RBL2: variants seen among roughly 807,000 people sequenced by gnomAD.
RBL2 encodes RB transcriptional corepressor like 2, also known as retinoblastoma-like protein 2.
A neutral mutation model predicts 126.0 loss-of-function variants in RBL2; 56 were observed. The ratio of observed to expected loss-of-function variants is 0.44; its 90% CI spans 0.36 to 0.56. The LOEUF (loss-of-function observed/expected upper bound fraction) is 0.56, where lower values mean the gene tolerates loss of function less well. Ranked by LOEUF, RBL2 falls within the 20% of genes least tolerant of loss-of-function variation. The pLI is 0.00. For missense variants in RBL2, 1,229 were observed against 1,398.2 expected (o/e 0.88, Z 1.93); for synonymous variants, 454 against 478.5 (o/e 0.95, Z 0.67).
At position 53,434,535 on chromosome 16, in the gene RBL2, T is replaced by C; in HGVS notation, c.-22T>C. The C allele has an allele frequency of 2.1e-6, 3 of 1,430,270 alleles. No homozygotes were observed. Among genetic ancestry groups the C allele is most frequent in the Non-Finnish European group, 2.7e-6 (3 of 1,098,024 alleles). 88.6% of individuals were successfully genotyped at this position (1,430,270 alleles called of 1,614,324 possible). A position where few individuals can be genotyped will look rare whatever the true frequency, so the allele number is the denominator to read the frequency against. On this transcript the variant is annotated 5_prime_UTR_variant, in exon 1 of 22. Transcript: ENST00000262133. ...GCCCGGGCCCTCACCTCACCTGAGG[T>C]CCGGCCGCCCAGGGGTGCGCTATGC... is the stretch of plus-strand genomic sequence containing the variant.
Position 53,462,655 on chromosome 16 carries a change from T to G in RBL2, c.1560T>G (p.Ser520=). The G allele has an allele frequency of 6.6e-7, 1 of 1,503,998 alleles. No individual in the cohort carries two copies. The highest frequency in any genetic ancestry group is 9.0e-7 in the Non-Finnish European group (1 of 1,106,850). 93.2% of individuals were successfully genotyped at this position (1,503,998 alleles called of 1,614,324 possible). A position where few individuals can be genotyped will look rare whatever the true frequency, so the allele number is the denominator to read the frequency against. ...EQKRLGDMDL[S]GILEQDAFHR... is the part of the protein sequence containing the mutation. The stretch of plus-strand genomic sequence containing the variant: ...AAAGACTAGGAGACATGGATTTATC[T>G]GTGAGTAAAATAACCAATGTATTGA... The change falls in exon 11 of 22, where the codon TCT becomes TCG. Residue 520 remains serine (S), a splice_region_variant and synonymous_variant. Coordinates refer to ENST00000262133, the MANE Select transcript of RBL2 (RefSeq NM_005611.4).
intron 21 of RBL2, chr16:53,489,283 T>G (rs1455011559): frequency 6.6e-6 from 1 of 152,126 alleles, no homozygotes; most frequent in Non-Finnish European, 1.5e-5. Flanking sequence ...AGTAGAGGAA[T>G]AGGTATGTGA....
chr16:53,450,549 T>C (rs187554312), intron 4 of RBL2, among the ~76,000 whole-genome samples: 6 of 152,106 alleles, frequency 3.9e-5, no homozygotes, highest in Admixed American at 3.9e-4. Flanking sequence ...TAGAAATAAT[T>C]CTTAATTTCT....
rs949291476 is a variant in RBL2, at chr16:53,480,457, G to T, written c.2882-110G>T. The T allele has an allele frequency of 1.5e-5, 13 of 886,664 alleles. No individual in the cohort carries two copies. The African/African-American group carries it at 1.7e-4, about 11-fold the overall frequency. The allele number at this position is 886,664 out of a possible 1,614,324, so 54.9% of individuals were successfully genotyped here. A position where few individuals can be genotyped will look rare whatever the true frequency, so the allele number is the denominator to read the frequency against. On this transcript the variant is annotated intron_variant, in intron 19 of 21. Coordinates refer to ENST00000262133, the MANE Select transcript of RBL2 (RefSeq NM_005611.4). ...GTGAAGAACAGAGTGCCTATTCACT[G>T]TTATTAGCAAGTAGTGCAGGTAGCT...
At chr16:53,434,944 G>C in intron 1 of RBL2, 148 bp downstream of exon 1, 1 of 1,248,914 alleles carries the variant, frequency 8.0e-7, no homozygotes, top group Non-Finnish European at 1.0e-6. Flanking sequence ...CTATTCCGAG[G>C]CTCTTAGCCG....
At chr16:53,443,340 G>A (rs1024506445) in intron 3 of RBL2, 3 of 152,296 alleles carry the variant, frequency 2.0e-5, no homozygotes, top group Admixed American at 1.3e-4. Context: ...CACTGCCCTA[G>A]ATATAGATCA....
At chr16:53,450,953 T>G (rs1415956942) in intron 4 of RBL2, among the ~76,000 whole-genome samples, 3 of 150,738 alleles carry the variant, frequency 2.0e-5, no homozygotes, top group Non-Finnish European at 4.4e-5. Flanking sequence ...AAAAAAAAAA[T>G]GTATATGAGA....
In RBL2 at chr16:53,491,072, A is replaced by AT. The variant is rs1214409815; in HGVS notation, c.*779dup. On this transcript the variant is annotated 3_prime_UTR_variant, in exon 22 of 22. Transcript: ENST00000262133. ...CCAATATTTTCTTTAATGCTTTTATATTTTTTTAAAATGTTAAAACCCCTA... is the reference window on the plus strand; with the variant it reads ...CCAATATTTTCTTTAATGCTTTTATATTTTTTTTAAAATGTTAAAACCCCTA... 2.0e-5 allele frequency: 3 copies of AT among 152,564 alleles called. No individual in the cohort carries two copies. Among genetic ancestry groups the AT allele is most frequent in the Non-Finnish European group, 2.9e-5 (2 of 68,016 alleles). 9.5% of individuals were successfully genotyped at this position (152,564 alleles called of 1,614,324 possible).
chr16:53,490,451 C>T lies in RBL2; in HGVS notation c.*151C>T. 3.7e-6 allele frequency: 2 copies of T among 543,978 alleles called. No homozygotes were observed. The highest frequency in any genetic ancestry group is 6.0e-6 in the Non-Finnish European group (2 of 330,968). 33.7% of individuals were successfully genotyped at this position (543,978 alleles called of 1,614,324 possible). A position where few individuals can be genotyped will look rare whatever the true frequency, so the allele number is the denominator to read the frequency against. On this transcript the variant is annotated 3_prime_UTR_variant, in exon 22 of 22. Transcript: ENST00000262133. Reference sequence around the variant, plus strand: ...CATTTTGGTGAGAAATGGGACTTAACTCCTTCCAGTGTCCTTAGAACATTT... The same window carrying T: ...CATTTTGGTGAGAAATGGGACTTAATTCCTTCCAGTGTCCTTAGAACATTT...
At chr16:53,487,878 C>T (rs1847016384) in intron 21 of RBL2, 1 of 152,224 alleles carries the variant, frequency 6.6e-6, no homozygotes, top group African/African-American at 2.4e-5. Flanking sequence ...GAACACACTT[C>T]ACCCATTACA....
intron 13 of RBL2, 159 bp from the exon 14 acceptor site, chr16:53,466,899 A>C: frequency 1.7e-6 from 1 of 605,622 alleles, no homozygotes; most frequent in South Asian, 2.2e-5. Context: ...TGACTGCCAA[A>C]AGTTTTTTTT....
chr16:53,453,391 T>G (rs2058134543), intron 5 of RBL2, 61 bp from the exon 6 acceptor site: 5 of 1,456,718 alleles, frequency 3.4e-6, no homozygotes, highest in Non-Finnish European at 4.8e-6. Flanking sequence ...TACATTTTAG[T>G]TTATTACAAA....
rs2058311462 is a variant in RBL2, at chr16:53,470,427, G to A, written c.2290G>A (p.Val764Ile). ...NGGITFFPVQ[V>I]NVGGQAQAVT... ...AGGGATAACATTCTTCCCTGTCCAA[G>A]TCAATGTTGGGGGGCAGGCACAAGC... Residue 764 changes from valine to isoleucine, a missense_variant, in exon 16 of 22, where the codon GTC (valine) becomes ATC (isoleucine). By Grantham distance (29) the Val-to-Ile change is conservative. Around this residue, in one of 2 missense-constraint regions of RBL2, gnomAD observed 1,070 missense variants for 1,274.3 expected, o/e 0.84. Transcript: ENST00000262133. 1 of 1,614,052 alleles carries A rather than the reference G, an allele frequency of 6.2e-7. No homozygotes were observed. The highest frequency in any genetic ancestry group is 8.5e-7 in the Non-Finnish European group (1 of 1,180,048).
intron 21 of RBL2, among the ~76,000 whole-genome samples, chr16:53,484,391 A>G (rs1420969355): frequency 6.6e-6 from 1 of 152,232 alleles, no homozygotes; most frequent in East Asian, 1.9e-4. Flanking sequence ...GTACCAATTA[A>G]TAGTTAGAAT....
In RBL2 at chr16:53,490,583, T is replaced by A. The variant is rs1230484756; in HGVS notation, c.*283T>A. On this transcript the variant is annotated 3_prime_UTR_variant, in exon 22 of 22. Coordinates refer to ENST00000262133, the MANE Select transcript of RBL2 (RefSeq NM_005611.4). The stretch of plus-strand genomic sequence containing the variant: ...ACTCTGGCAAAGCTTTTAGAAATAC[T>A]GCAAGAAAATGATGTGTACCCAAAC... 3.5e-6 allele frequency: 1 copy of A among 284,422 alleles called. No homozygotes were observed. Among genetic ancestry groups the A allele is most frequent in the East Asian group, 5.9e-5 (1 of 16,988 alleles). The allele number at this position is 284,422 out of a possible 1,614,324, so 17.6% of individuals were successfully genotyped here.
chr16:53,437,956 G>C (rs567507549), intron 1 of RBL2, among the ~76,000 whole-genome samples: 4 of 152,168 alleles, frequency 2.6e-5, no homozygotes, highest in Non-Finnish European at 4.4e-5. Flanking sequence ...GAACCTGGGA[G>C]GCAGAGCTTG....
At chr16:53,479,509 G>T in intron 18 of RBL2, 1 of 497,118 alleles carries the variant, frequency 2.0e-6, no homozygotes, top group East Asian at 3.4e-5. Flanking sequence ...CTTTCATTCT[G>T]GTTTAGTAAA....
intron 2 of RBL2, 68 bp from the exon 3 acceptor site, chr16:53,442,590 G>T: frequency 8.5e-7 from 1 of 1,173,042 alleles, no homozygotes; most frequent in Non-Finnish European, 1.2e-6. Context: ...ATTTACTTTT[G>T]AATACTTACT....
At chr16:53,486,263 T>G (rs767446531) in intron 21 of RBL2, among the ~76,000 whole-genome samples, 28 of 152,238 alleles carry the variant, frequency 1.8e-4, no homozygotes, top group Non-Finnish European at 3.8e-4. Context: ...ATGGCACCCC[T>G]GCACTCCATC....
Sources: allele counts gnomAD v4.1 joint callset (sites outside exome capture counted in the v4.1 genomes callset), GRCh38; gene constraint gnomAD v4.1.1; regional missense constraint gnomAD v4.1.1; transcripts MANE v1.5; gene names NCBI Gene and HGNC (gene_info 2026-07-23, HGNC 2026-07-21).